Variants in COL28A1 observed in about 807,000 individuals in gnomAD.
COL28A1 encodes collagen type XXVIII alpha 1 chain.
Under a neutral mutation model 150.2 loss-of-function variants are expected in COL28A1, and 161 were observed. That is an observed-to-expected ratio of 1.07 (90% CI 0.94 to 1.22). The LOEUF (loss-of-function observed/expected upper bound fraction) is 1.22. COL28A1 is among the 50% of genes most tolerant of loss of function. The pLI is 0.00. For synonymous variants in COL28A1, 552 were observed against 469.7 expected, an observed-to-expected ratio of 1.18 and a Z score of -2.26; for missense variants, 1,617 against 1,388.3, an observed-to-expected ratio of 1.16 and a Z score of -2.62.
intron 4 of COL28A1, among the ~76,000 whole-genome samples, chr7:7,523,810 A>G (rs1463161020): frequency 1.3e-5 from 2 of 152,166 alleles, no homozygotes; most frequent in Non-Finnish European, 2.9e-5. Flanking sequence ...GTCAATTGGC[A>G]GGCAGCAGGG....
At chr7:7,516,597 T>G (rs1468917352) in intron 7 of COL28A1, among the ~76,000 whole-genome samples, 1 of 152,230 alleles carries the variant, frequency 6.6e-6, no homozygotes, top group Non-Finnish European at 1.5e-5. Flanking sequence ...GGGATTTTTT[T>G]GTCTTTCATA....
chr7:7,511,673 A>G (rs1468919970), intron 8 of COL28A1: 1 of 462,770 alleles, frequency 2.2e-6, no homozygotes, highest in African/African-American at 2.0e-5. Context: ...AGTAGTGTTC[A>G]CCTGGAGAAC....
At position 7,520,105 on chromosome 7, in the gene COL28A1, C is replaced by T; in HGVS notation, c.770G>A (p.Gly257Glu). The T allele has an allele frequency of 7.4e-7, 1 of 1,346,136 alleles. No homozygotes were observed. Among genetic ancestry groups the T allele is most frequent in the South Asian group, 1.2e-5 (1 of 84,352 alleles). 83.4% of individuals were successfully genotyped at this position (1,346,136 alleles called of 1,614,324 possible). Residue 257 changes from glycine to glutamate, a missense_variant, in exon 6 of 35, where the codon GGA becomes GAA. By Grantham distance (98) the Gly-to-Glu change is moderately conservative (BLOSUM62 -2). Coordinates refer to ENST00000399429, the MANE Select transcript of COL28A1 (RefSeq NM_001037763.3). ...PGDPGPPGTH[G>E]NPGIKGERGP... Reference sequence around the variant, plus strand: ...TCGCTCACCTTTGATACCTGGATTTCCATGTGTACCCTGAAGGCAAAGGGA... The same window carrying T: ...TCGCTCACCTTTGATACCTGGATTTTCATGTGTACCCTGAAGGCAAAGGGA...
chr7:7,431,272 G>C (rs1473271888), intron 25 of COL28A1: 1 of 208,544 alleles, frequency 4.8e-6, no homozygotes, highest in Non-Finnish European at 1.0e-5. Flanking sequence ...AAGTTGTAGA[G>C]CTCCTACTGA....
intron 27 of COL28A1, among the ~76,000 whole-genome samples, chr7:7,402,642 T>G (rs763888992): frequency 6.6e-6 from 1 of 152,168 alleles, no homozygotes; most frequent in Non-Finnish European, 1.5e-5. Context: ...CAAGACCAAC[T>G]TATCTTTTAT....
At chr7:7,400,976 GTGT>G (rs1783150967) in intron 27 of COL28A1, among the ~76,000 whole-genome samples, 1 of 21,556 alleles carries the variant, frequency 4.6e-5, no homozygotes, top group African/African-American at 7.1e-5. Context: ...GGGTATTTGG[GTGT>G]GTGTGTGTGT....
At position 7,453,520 on chromosome 7, in the gene COL28A1, A is replaced by G. The variant is rs1441852670; in HGVS notation, c.1372-12T>C. 1 of 962,458 alleles carries G rather than the reference A, an allele frequency of 1.0e-6. No individual in the cohort carries two copies. Among genetic ancestry groups the G allele is most frequent in the Non-Finnish European group, 1.7e-6 (1 of 595,146 alleles). 59.6% of individuals were successfully genotyped at this position (962,458 alleles called of 1,614,324 possible). On this transcript the variant is annotated splice_polypyrimidine_tract_variant and intron_variant, in intron 16 of 34. Coordinates refer to ENST00000399429, the MANE Select transcript of COL28A1 (RefSeq NM_001037763.3). ...GGACCTTGGATTCCCTTTAAAATAAAATTTTATAAAATAGTGTTAGTGAAA... is the reference window on the plus strand; with the variant it reads ...GGACCTTGGATTCCCTTTAAAATAAGATTTTATAAAATAGTGTTAGTGAAA...
the COL28A1 span, among the ~76,000 whole-genome samples, chr7:7,343,139 G>A: frequency 2.5e-4 from 38 of 151,610 alleles, no homozygotes; most frequent in South Asian, 5.4e-3. Flanking sequence ...ATTTGGTCTC[G>A]TCTTTAGTAT....
chr7:7,540,651 G>C (rs1782767924), upstream of COL28A1, among the ~76,000 whole-genome samples: 1 of 152,134 alleles, frequency 6.6e-6, no homozygotes, highest in Non-Finnish European at 1.5e-5. Context: ...TGCTTGAGCA[G>C]GAGAAAAAGG....
At chr7:7,398,121 G>A (rs1412032014) in intron 27 of COL28A1, among the ~76,000 whole-genome samples, 1 of 152,130 alleles carries the variant, frequency 6.6e-6, no homozygotes, top group South Asian at 2.1e-4. Context: ...GTAGAAATTT[G>A]TTTTAATTGA....
chr7:7,511,204 G>A (rs917275663), intron 8 of COL28A1, 69 bp from the exon 9 acceptor site: 2 of 1,302,468 alleles, frequency 1.5e-6, no homozygotes, highest in Non-Finnish European at 2.2e-6. Flanking sequence ...ATGTTTGTTT[G>A]TTTGTTTTTT....
intron 4 of COL28A1, 128 bp downstream of exon 4, chr7:7,524,101 T>G (rs1781891451): frequency 1.2e-5 from 8 of 689,098 alleles, no homozygotes; most frequent in Non-Finnish European, 1.8e-5. Flanking sequence ...CAGAATAGAG[T>G]GGCTCATTTT....
chr7:7,420,562 T>C (rs1784341586), intron 25 of COL28A1, among the ~76,000 whole-genome samples: 1 of 152,250 alleles, frequency 6.6e-6, no homozygotes, highest in Admixed American at 6.5e-5. Context: ...ACCTTCTGTA[T>C]TCCCAAGACT....
chr7:7,435,771 G>A (rs1027942870), intron 23 of COL28A1, among the ~76,000 whole-genome samples: 1 of 152,140 alleles, frequency 6.6e-6, no homozygotes, highest in Admixed American at 6.6e-5. Context: ...TCAAAGCTAC[G>A]TAACAACATG....
In COL28A1 at chr7:7,358,682, T is replaced by A. The variant is rs1299439324; in HGVS notation, c.3329A>T (p.Asn1110Ile). 1.2e-6 allele frequency: 2 copies of A among 1,614,064 alleles called. No homozygotes were observed. The highest frequency in any genetic ancestry group is 3.3e-5 in the Admixed American group (2 of 60,016). Residue 1110 changes from asparagine (N) to isoleucine (I), a missense_variant, in exon 35 of 35, where the codon AAT (asparagine) becomes ATT (isoleucine). Coordinates refer to ENST00000399429, the MANE Select transcript of COL28A1 (RefSeq NM_001037763.3). ...FWFSGCNGSGNRFNSEKECQE... is the reference protein window; with the variant it reads ...FWFSGCNGSGIRFNSEKECQE... ...ACATTCCTTTTCACTGTTGAATCTA[T>A]TTCCTGAGCCATTACAGCCACTGAA...
At chr7:7,442,538 G>C (rs1481636911) in intron 20 of COL28A1, among the ~76,000 whole-genome samples, 1 of 151,970 alleles carries the variant, frequency 6.6e-6, no homozygotes, top group Non-Finnish European at 1.5e-5. Flanking sequence ...AAACAAAAAT[G>C]TTTAAAAGCC....
chr7:7,486,931 G>A (rs1367030775), intron 13 of COL28A1, among the ~76,000 whole-genome samples: 1 of 152,048 alleles, frequency 6.6e-6, no homozygotes, highest in African/African-American at 2.4e-5. Flanking sequence ...TTTTGTTTTG[G>A]TATCAGGGGA....
chr7:7,443,508 C>G, intron 20 of COL28A1, 77 bp downstream of exon 20: 1 of 1,581,688 alleles, frequency 6.3e-7, no homozygotes, highest in Non-Finnish European at 8.6e-7. Context: ...GAATAACAAT[C>G]AAATTTCTTC....
chr7:7,422,841 A>T (rs1219436671), intron 25 of COL28A1, among the ~76,000 whole-genome samples: 1 of 152,178 alleles, frequency 6.6e-6, no homozygotes, highest in Non-Finnish European at 1.5e-5. Context: ...GAAGAGGGAG[A>T]AACACGTTAC....
Sources: allele counts gnomAD v4.1 joint callset (sites outside exome capture counted in the v4.1 genomes callset), GRCh38; gene constraint gnomAD v4.1.1; transcripts MANE v1.5; gene names NCBI Gene and HGNC (gene_info 2026-07-23, HGNC 2026-07-21).